Variants in CTNND2 observed in about 807,000 individuals in gnomAD.
CTNND2 encodes the protein catenin delta-2.
In CTNND2, 22 loss-of-function variants were observed where a neutral mutation model predicts 144.4. That is an observed-to-expected ratio of 0.15 (90% CI 0.11 to 0.22). The LOEUF is 0.22. Ranked by LOEUF, CTNND2 falls within the 10% of genes least tolerant of loss-of-function variation. The pLI, the probability that CTNND2 is intolerant of heterozygous loss-of-function variation, is 1.00. For missense variants in CTNND2, 1,353 were observed against 1,618.8 expected (o/e 0.84, Z 2.82); for synonymous variants, 751 against 695.6 (o/e 1.08, Z -1.25).
At chr5:11,080,818 GTAATTCCAGCACTT>G in intron 16 of CTNND2, among the ~76,000 whole-genome samples, 1 of 152,200 alleles carries the variant, frequency 6.6e-6, no homozygotes, top group Admixed American at 6.5e-5. Flanking sequence ...GCTCATGCCT[GTAATTCCAGCACTT>G]TGGGAGGCCG....
intron 2 of CTNND2, among the ~76,000 whole-genome samples, chr5:11,566,111 T>C (rs1777074473): frequency 6.6e-6 from 1 of 152,166 alleles, no homozygotes; most frequent in South Asian, 2.1e-4. Flanking sequence ...TTGCATGAGG[T>C]CTTTAAAAAG....
rs147347432 is a variant in CTNND2 at position 11,885,921 on chromosome 5, C to A, written c.37+17896G>T. 2.7e-3 allele frequency among the ~76,000 whole-genome samples: 404 copies of A among 152,094 alleles called. 3 individuals carry two copies. Among genetic ancestry groups the A allele is most frequent in the African/African-American group, 9.3e-3 (386 of 41,518 alleles). On this transcript the variant is annotated intron_variant, in intron 1 of 21. Transcript: ENST00000304623. ...GGAAATTAAGCAACACGGTTCTGAA[C>A]AACCAACGGGTCGATACAGATTTTA...
chr5:11,539,578 T>C (rs568301263), intron 3 of CTNND2, among the ~76,000 whole-genome samples: 2 of 152,334 alleles, frequency 1.3e-5, no homozygotes, highest in African/African-American at 4.8e-5. Context: ...AGTCATTCAG[T>C]TGCAAGGATT....
intron 16 of CTNND2, among the ~76,000 whole-genome samples, chr5:11,057,367 T>A (rs1746442893): frequency 6.6e-6 from 1 of 152,186 alleles, no homozygotes; most frequent in Non-Finnish European, 1.5e-5. Flanking sequence ...TGGGGACAGG[T>A]CTTTCTCGTG....
At chr5:11,178,698 T>C (rs1237259629) in intron 11 of CTNND2, among the ~76,000 whole-genome samples, 2 of 152,192 alleles carry the variant, frequency 1.3e-5, no homozygotes, top group Non-Finnish European at 2.9e-5. Context: ...AAAGTATATA[T>C]ATAATTGGAA....
chr5:11,374,588 C>T (rs1222779015), intron 7 of CTNND2, among the ~76,000 whole-genome samples: 1 of 152,090 alleles, frequency 6.6e-6, no homozygotes, highest in Non-Finnish European at 1.5e-5. Context: ...CACACAGATA[C>T]TCTTCCTTAT....
chr5:11,006,457 C>T lies in CTNND2; in HGVS notation c.3084+11517G>A, dbSNP rs541250017. On this transcript the variant is annotated intron_variant, in intron 18 of 21. Transcript: ENST00000304623. ...CAGATGGAAGGAGGAGTCTGGGTCC[C>T]GAGTGCCCACATGGAGAAGAGCTGA... 3.9e-5 allele frequency among the ~76,000 whole-genome samples: 6 copies of T among 152,314 alleles called. No individual in the cohort carries two copies. In the South Asian group the frequency reaches 6.2e-4, roughly 16 times the overall value.
intron 9 of CTNND2, among the ~76,000 whole-genome samples, chr5:11,313,397 C>T (rs1751188513): frequency 6.6e-6 from 1 of 152,166 alleles, no homozygotes; most frequent in Admixed American, 6.5e-5. Flanking sequence ...CTTCCAGTCC[C>T]GAGATCCTCT....
chr5:11,483,935 C>T (rs1036358077), intron 3 of CTNND2, among the ~76,000 whole-genome samples: 11 of 152,204 alleles, frequency 7.2e-5, no homozygotes, highest in Non-Finnish European at 2.9e-5. Context: ...AGACAAGTGA[C>T]TCAGGTGGGA....
chr5:11,803,197 G>C (rs906147182), intron 1 of CTNND2, among the ~76,000 whole-genome samples: 17 of 152,142 alleles, frequency 1.1e-4, no homozygotes, highest in Admixed American at 1.0e-3. Context: ...GCGCGTGCCT[G>C]TAATCCCAGC....
chr5:11,156,863 A>G (rs2149762536), intron 12 of CTNND2, among the ~76,000 whole-genome samples: 1 of 152,316 alleles, frequency 6.6e-6, no homozygotes, highest in African/African-American at 2.4e-5. Context: ...TAAAAGCCAA[A>G]TGATGTTGGC....
At chr5:11,301,065 G>A (rs1451461584) in intron 9 of CTNND2, among the ~76,000 whole-genome samples, 1 of 152,164 alleles carries the variant, frequency 6.6e-6, no homozygotes, top group African/African-American at 2.4e-5. Context: ...GGGCTGGGCT[G>A]GAGTGCAGTG....
At chr5:11,569,585 A>C (rs1292548864) in intron 2 of CTNND2, among the ~76,000 whole-genome samples, 1 of 152,202 alleles carries the variant, frequency 6.6e-6, no homozygotes, top group African/African-American at 2.4e-5. Context: ...CTTAGTATGA[A>C]AACTGAAATC....
intron 12 of CTNND2, among the ~76,000 whole-genome samples, chr5:11,145,275 G>A (rs1367504330): frequency 6.6e-6 from 1 of 152,048 alleles, no homozygotes; most frequent in African/African-American, 2.4e-5. Context: ...AATACAGGAT[G>A]AAAATATTAC....
intron 2 of CTNND2, among the ~76,000 whole-genome samples, chr5:11,721,697 A>G (rs555474090): frequency 6.6e-6 from 1 of 152,346 alleles, no homozygotes; most frequent in South Asian, 2.1e-4. Context: ...ATGGTGCTGC[A>G]TGCCTGGAGA....
At chr5:11,506,432 T>C (rs1771041252) in intron 3 of CTNND2, among the ~76,000 whole-genome samples, 1 of 152,160 alleles carries the variant, frequency 6.6e-6, no homozygotes, top group Non-Finnish European at 1.5e-5. Context: ...TCAACACAGG[T>C]CAGAGGATAC....
intron 3 of CTNND2, among the ~76,000 whole-genome samples, chr5:11,497,457 C>T (rs372916059): frequency 1.3e-4 from 16 of 126,424 alleles, no homozygotes; most frequent in East Asian, 4.8e-4. Context: ...GAGAGTGGCA[C>T]TTCAGCTAAG....
intron 8 of CTNND2, among the ~76,000 whole-genome samples, chr5:11,348,521 CTAAGTA>C (rs1755030132): frequency 6.7e-6 from 1 of 148,200 alleles, no homozygotes; most frequent in Non-Finnish European, 1.5e-5. Flanking sequence ...ATTCAGAAAA[CTAAGTA>C]TCAACATTTA....
At chr5:11,514,125 C>G (rs1169651673) in intron 3 of CTNND2, among the ~76,000 whole-genome samples, 1 of 151,792 alleles carries the variant, frequency 6.6e-6, no homozygotes, top group Non-Finnish European at 1.5e-5. Context: ...GTTGAAGCTT[C>G]AGTGAGCTAT....
Sources: gnomAD v4.1 joint callset for allele counts (sites outside exome capture counted in the v4.1 genomes callset) on GRCh38, gnomAD v4.1.1 for gene constraint, MANE v1.5 for transcripts, NCBI Gene and HGNC (gene_info 2026-07-23, HGNC 2026-07-21) for gene names.